Variants in UGT1A4 observed in about 807,000 individuals in gnomAD.
UGT1A4 encodes UDP-glucuronosyltransferase 1A4.
UGT1A4 carries 32 observed loss-of-function variants against 41.1 expected under a neutral mutation model. The ratio of observed to expected loss-of-function variants is 0.78; its 90% CI spans 0.59 to 1.05. The LOEUF is 1.05. UGT1A4 is among the 50% of genes least tolerant of loss of function. The probability of loss-of-function intolerance (pLI) is 0.00; values close to 1 mark genes in which losing one functional copy is unlikely to be tolerated. For missense variants in UGT1A4, 748 were observed against 677.4 expected (o/e 1.10, Z -1.16); for synonymous variants, 283 against 265.1 (o/e 1.07, Z -0.66).
chr2:233,755,029 T>TGCC (rs1403336975), intron 1 of UGT1A4: 1 of 1,312,020 alleles, frequency 7.6e-7, no homozygotes, highest in Admixed American at 1.9e-5. Flanking sequence ...TTGAAGGGCC[T>TGCC]GCCGCCTGCG....
intron 1 of UGT1A4, among the ~76,000 whole-genome samples, chr2:233,725,446 A>G (rs1478370195): frequency 6.6e-6 from 1 of 152,006 alleles, no homozygotes; most frequent in Non-Finnish European, 1.5e-5. Flanking sequence ...AGCCACATAC[A>G]TAATTTAAAC....
rs6755571 is a variant in UGT1A4, at chr2:233,718,890, C to A, written c.70C>A (p.Pro24Thr). 85,148 of 1,613,968 alleles carry A rather than the reference C, an allele frequency of 0.053. 2,693 individuals carry two copies. Among genetic ancestry groups the A allele is most frequent in the Non-Finnish European group, 0.063 (74,784 of 1,179,912 alleles). The change falls in exon 1 of 5, where the codon CCC becomes ACC. Residue 24 changes from proline to threonine, a missense_variant. Pro to Thr is a conservative substitution (Grantham distance 38, BLOSUM62 -1). Transcript: ENST00000373409. ...ACTGCTGCTCCTCCTCAGTGTCCAG[C>A]CCTGGGCTGAGAGTGGAAAGGTGTT... is the stretch of plus-strand genomic sequence containing the variant. The part of the protein sequence containing the change: ...TGLLLLLSVQ[P>T]WAESGKVLVV...
intron 1 of UGT1A4, chr2:233,756,419 A>G (rs760544825): frequency 6.6e-6 from 1 of 151,366 alleles, no homozygotes; most frequent in Non-Finnish European, 1.5e-5. Context: ...TATTATTTGT[A>G]CTGTTTTTTT....
chr2:233,730,227 G>A (rs1389808961), intron 1 of UGT1A4, among the ~76,000 whole-genome samples: 1 of 152,112 alleles, frequency 6.6e-6, no homozygotes, highest in Admixed American at 6.5e-5. Context: ...TTTGTAAAAG[G>A]ATGGACAAGG....
intron 1 of UGT1A4, chr2:233,747,220 A>G: frequency 6.2e-7 from 1 of 1,605,538 alleles, no homozygotes; most frequent in South Asian, 1.1e-5. Flanking sequence ...TGAGATGGCC[A>G]CAGGACCCCA....
intron 1 of UGT1A4, among the ~76,000 whole-genome samples, chr2:233,730,647 C>T (rs2078057207): frequency 6.6e-6 from 1 of 152,076 alleles, no homozygotes; most frequent in Admixed American, 6.6e-5. Flanking sequence ...GATGTGGGGA[C>T]ATCTCAGAGT....
At chr2:233,728,227 T>C (rs576517888) in intron 1 of UGT1A4, among the ~76,000 whole-genome samples, 6 of 152,272 alleles carry the variant, frequency 3.9e-5, no homozygotes, top group African/African-American at 1.4e-4. Flanking sequence ...ACCATAATCT[T>C]CAGGATGAAA....
intron 1 of UGT1A4, among the ~76,000 whole-genome samples, chr2:233,751,630 A>C (rs1694768299): frequency 6.6e-6 from 1 of 152,142 alleles, no homozygotes; most frequent in Non-Finnish European, 1.5e-5. Context: ...TCATGTGTGC[A>C]GTTTCCCCCT....
intron 1 of UGT1A4, chr2:233,748,207 C>G (rs1467291155): frequency 6.6e-7 from 1 of 1,505,266 alleles, no homozygotes; most frequent in African/African-American, 1.4e-5. Context: ...TCGTAATAGC[C>G]TTCAGTGAGA....
intron 1 of UGT1A4, among the ~76,000 whole-genome samples, chr2:233,737,452 T>A (rs1303552589): frequency 6.6e-6 from 1 of 152,148 alleles, no homozygotes; most frequent in Non-Finnish European, 1.5e-5. Flanking sequence ...TTTTTCCAGG[T>A]ACAGTCTGTC....
At chr2:233,747,834 C>A (rs367969485) in intron 1 of UGT1A4, 5 of 1,613,520 alleles carry the variant, frequency 3.1e-6, no homozygotes, top group South Asian at 1.1e-5. Context: ...CATGACATTC[C>A]TGCAAAGGGT....
rs749964914 is a variant in UGT1A4, at chr2:233,719,436, A to G, written c.616A>G (p.Thr206Ala). The G allele has an allele frequency of 6.2e-7, 1 of 1,613,962 alleles. No homozygotes were observed. Among genetic ancestry groups the G allele is most frequent in the Non-Finnish European group, 8.5e-7 (1 of 1,179,864 alleles). ...ACTAACGACCAATTCAGACCACATGACATTCCTGCAAAGGGTCAAGAACAT... is the reference window on the plus strand; with the variant it reads ...ACTAACGACCAATTCAGACCACATGGCATTCCTGCAAAGGGTCAAGAACAT... Reference protein sequence around the residue: ...KLLTTNSDHMTFLQRVKNMLY... With the variant: ...KLLTTNSDHMAFLQRVKNMLY... The change falls in exon 1 of 5, where the codon ACA becomes GCA. Residue 206 changes from threonine (T) to alanine (A), a missense_variant. Thr to Ala is a moderately conservative substitution (Grantham distance 58). Transcript: ENST00000373409.
chr2:233,743,498 G>A (rs1452384888), intron 1 of UGT1A4: 3 of 1,367,176 alleles, frequency 2.2e-6, no homozygotes, highest in Middle Eastern at 2.1e-4. Context: ...GCAGAGAAAA[G>A]GGGTGCAGAC....
In UGT1A4 at chr2:233,757,562, G is replaced by GTATATATATATATATATATATA. The variant is rs1491042837; in HGVS notation, c.868-9465_868-9464insATATATATATATATATATATAT. Among the ~76,000 whole-genome samples, 15 of 90,888 alleles carry GTATATATATATATATATATATA rather than the reference G, an allele frequency of 1.7e-4. 1 individual carries two copies. The highest frequency in any genetic ancestry group is 7.2e-4 in the African/African-American group (14 of 19,524). The allele number at this position is 90,888 out of a possible 152,430, so 59.6% of individuals were successfully genotyped here. On this transcript the variant is annotated intron_variant, in intron 1 of 4. Transcript: ENST00000373409. The stretch of plus-strand genomic sequence containing the variant: ...TATATATATATATATATATATATAT[G>GTATATATATATATATATATATA]TATATATGATATAGCTATAGTCTAA...
chr2:233,721,906 A>G (rs994798913), intron 1 of UGT1A4: 14 of 450,550 alleles, frequency 3.1e-5, no homozygotes, highest in African/African-American at 2.6e-4. Context: ...GAAATGGTGC[A>G]CACTGCTTCC....
At chr2:233,719,992 A>G (rs1452889114) in intron 1 of UGT1A4, among the ~76,000 whole-genome samples, 2 of 152,184 alleles carry the variant, frequency 1.3e-5, no homozygotes, top group African/African-American at 4.8e-5. Flanking sequence ...GATCAGGGAC[A>G]CTACATTCAG....
At chr2:233,720,737 G>A (rs1402303437) in intron 1 of UGT1A4, among the ~76,000 whole-genome samples, 14 of 144,628 alleles carry the variant, frequency 9.7e-5, no homozygotes, top group African/African-American at 2.3e-4. Flanking sequence ...ACTGAGCCTC[G>A]TTCTGTCGCC....
At chr2:233,738,832 A>G (rs6431628) in intron 1 of UGT1A4, 84,103 of 152,154 alleles carry the variant, frequency 0.55, 25,404 homozygotes, top group African/African-American at 0.81. Context: ...ATAAGGAGGA[A>G]CCAAATGTTA....
intron 1 of UGT1A4, chr2:233,755,218 C>A (rs1203897935): frequency 2.4e-5 from 25 of 1,027,326 alleles, no homozygotes; most frequent in Non-Finnish European, 3.5e-5. Flanking sequence ...TTCTTGATAC[C>A]CTCGGACGAG....
Sources: gnomAD v4.1 joint callset for allele counts (sites outside exome capture counted in the v4.1 genomes callset) on GRCh38, gnomAD v4.1.1 for gene constraint, MANE v1.5 for transcripts, NCBI Gene and HGNC (gene_info 2026-07-23, HGNC 2026-07-21) for gene names.